The following NRG3 variants were observed in gnomAD, a reference collection of about 807,000 sequenced individuals.
NRG3 encodes the protein neuregulin 3, also known as pro-neuregulin-3, membrane-bound isoform.
Under a neutral mutation model 66.9 loss-of-function variants are expected in NRG3, and 31 were observed. The ratio of observed to expected loss-of-function variants is 0.46; its 90% CI spans 0.35 to 0.63. The LOEUF (loss-of-function observed/expected upper bound fraction) is 0.63, where lower values mean the gene tolerates loss of function less well. Ranked by LOEUF, NRG3 falls within the 20% of genes least tolerant of loss-of-function variation. The probability of loss-of-function intolerance (pLI) is 0.00; values close to 1 mark genes in which losing one functional copy is unlikely to be tolerated. For synonymous variants in NRG3, 393 were observed against 359.4 expected, an observed-to-expected ratio of 1.09 and a Z score of -1.06; for missense variants, 910 against 878.9, an observed-to-expected ratio of 1.04 and a Z score of -0.45.
chr10:82,853,586 A>T (rs1321403473), intron 3 of NRG3, among the ~76,000 whole-genome samples: 1 of 151,422 alleles, frequency 6.6e-6, no homozygotes, highest in Admixed American at 6.6e-5. Context: ...TGAGTTTTTT[A>T]TTTGATTGTC....
rs115653953 is a variant in NRG3 at position 82,642,135 on chromosome 10, A to G, written c.954-96442A>G. On this transcript the variant is annotated intron_variant, in intron 2 of 8. Transcript: ENST00000372141. ...TCTCTGAGCTGTTTCACTTAAGATA[A>G]TGGCCTACAGTTCCATCCATGTTGC... Among the ~76,000 whole-genome samples, 553 of 152,248 alleles carry G rather than the reference A, an allele frequency of 3.6e-3. 5 individuals carry two copies. Among genetic ancestry groups the G allele is most frequent in the African/African-American group, 0.012 (517 of 41,554 alleles).
intron 2 of NRG3, among the ~76,000 whole-genome samples, chr10:82,442,784 A>ATTTTTTTTTTTTTTTTTTTTTTTTTTT (rs61261285): frequency 1.8e-5 from 1 of 54,274 alleles, no homozygotes; most frequent in Non-Finnish European, 3.2e-5. Flanking sequence ...TTCTGTGTGG[A>ATTTTTTTTTTTTTTTTTTTTTTTTTTT]TTTTTTTTTT....
chr10:82,087,560 T>C (rs1280798341), intron 1 of NRG3, among the ~76,000 whole-genome samples: 2 of 152,132 alleles, frequency 1.3e-5, no homozygotes, highest in African/African-American at 4.8e-5. Context: ...GTTTAATTTG[T>C]TGCCCCACTT....
Position 82,985,523 on chromosome 10 carries a change from T to C in NRG3, c.2009T>C (p.Leu670Pro). The C allele has an allele frequency of 6.2e-7, 1 of 1,613,906 alleles. No homozygotes were observed. Reference protein sequence around the residue: ...SASENTAFLPLSPTAKSEREA... With the variant: ...SASENTAFLPPSPTAKSEREA... Reference sequence around the variant, plus strand: ...AGCGAAAACACAGCCTTTCTCCCCCTGAGTCCCACAGCCAAATCAGAACGA... The same window carrying C: ...AGCGAAAACACAGCCTTTCTCCCCCCGAGTCCCACAGCCAAATCAGAACGA... Residue 670 changes from leucine to proline, a missense_variant, in exon 9 of 9, where the codon CTG becomes CCG. Physicochemically the swap from Leu to Pro is moderately conservative, Grantham distance 98. Transcript: ENST00000372141.
intron 2 of NRG3, among the ~76,000 whole-genome samples, chr10:82,403,819 T>A (rs550447523): frequency 4.7e-4 from 72 of 152,258 alleles, no homozygotes; most frequent in African/African-American, 1.7e-3. Context: ...CTATATCTTA[T>A]CAATAATATG....
intron 2 of NRG3, among the ~76,000 whole-genome samples, chr10:82,645,169 A>G (rs762707090): frequency 6.6e-6 from 1 of 152,152 alleles, no homozygotes; most frequent in Admixed American, 6.6e-5. Flanking sequence ...CTGGTATTAT[A>G]TGATACCAGA....
At chr10:82,241,020 A>G (rs569289060) in intron 1 of NRG3, among the ~76,000 whole-genome samples, 1 of 152,302 alleles carries the variant, frequency 6.6e-6, no homozygotes, top group South Asian at 2.1e-4. Flanking sequence ...GGGTACACAC[A>G]TGTTGGAGAT....
At chr10:82,483,220 A>G (rs1433221052) in intron 2 of NRG3, among the ~76,000 whole-genome samples, 1 of 152,208 alleles carries the variant, frequency 6.6e-6, no homozygotes, top group Non-Finnish European at 1.5e-5. Context: ...TTCAAAATTG[A>G]AAGGGACTAA....
At chr10:82,357,689 C>A (rs1339210968) in intron 1 of NRG3, among the ~76,000 whole-genome samples, 1 of 152,170 alleles carries the variant, frequency 6.6e-6, no homozygotes, top group Non-Finnish European at 1.5e-5. Flanking sequence ...TGACCTTATC[C>A]ATTCCTGATT....
At chr10:82,413,814 G>A (rs768828837) in intron 2 of NRG3, among the ~76,000 whole-genome samples, 6 of 151,976 alleles carry the variant, frequency 3.9e-5, no homozygotes, top group East Asian at 1.9e-4. Flanking sequence ...CTTAAACCTC[G>A]TGAAGCAACC....
At chr10:82,741,153 A>G (rs1173186299) in intron 3 of NRG3, among the ~76,000 whole-genome samples, 1 of 152,160 alleles carries the variant, frequency 6.6e-6, no homozygotes, top group African/African-American at 2.4e-5. Flanking sequence ...TCTTGCATTC[A>G]TCCATGCACA....
intron 3 of NRG3, chr10:82,827,232 A>T (rs2062271700): frequency 1.3e-5 from 4 of 312,300 alleles, no homozygotes; most frequent in Non-Finnish European, 2.4e-5. Flanking sequence ...AAAAAAAAAA[A>T]TCATGTAACG....
At chr10:82,865,345 AT>A (rs1840609126) in intron 3 of NRG3, 65 bp from the exon 4 acceptor site, 1 of 1,544,560 alleles carries the variant, frequency 6.5e-7, no homozygotes, top group Non-Finnish European at 8.9e-7. Context: ...ATTTCCATGT[AT>A]AGAGCTTTTT....
intron 6 of NRG3, among the ~76,000 whole-genome samples, chr10:82,961,808 C>A (rs1158636386): frequency 6.6e-6 from 1 of 152,154 alleles, no homozygotes; most frequent in Non-Finnish European, 1.5e-5. Flanking sequence ...AGTTCCATCA[C>A]CAAGCTTCCC....
intron 3 of NRG3, among the ~76,000 whole-genome samples, chr10:82,785,718 T>C (rs2060331748): frequency 6.6e-6 from 1 of 152,070 alleles, no homozygotes; most frequent in Admixed American, 6.6e-5. Flanking sequence ...TGGTTCCTTA[T>C]AGTAAAATGA....
rs942228744 is a variant in NRG3, at chr10:82,675,040, C to T, written c.954-63537C>T. 5.3e-5 allele frequency among the ~76,000 whole-genome samples: 8 copies of T among 151,978 alleles called. No homozygotes were observed. In the South Asian group the frequency reaches 8.3e-4, roughly 16 times the overall value. ...AATGGCGCGCCTCGGCTCACTGCAA[C>T]CTCCGCCTCCTGGGTTCAAGCGATT... is the stretch of plus-strand genomic sequence containing the variant. On this transcript the variant is annotated intron_variant, in intron 2 of 8. Transcript: ENST00000372141.
chr10:82,550,493 C>A (rs938372770), intron 2 of NRG3, among the ~76,000 whole-genome samples: 1 of 152,022 alleles, frequency 6.6e-6, no homozygotes, highest in East Asian at 1.9e-4. Flanking sequence ...AATCCAGTGG[C>A]TTTGCTAGGG....
chr10:82,963,856 A>C (rs889616285), intron 6 of NRG3, among the ~76,000 whole-genome samples: 1 of 151,996 alleles, frequency 6.6e-6, no homozygotes, highest in Non-Finnish European at 1.5e-5. Flanking sequence ...ACAATCCCAC[A>C]CTCTGTCTCT....
intron 1 of NRG3, among the ~76,000 whole-genome samples, chr10:82,024,253 G>A (rs1271856433): frequency 6.6e-6 from 1 of 151,876 alleles, no homozygotes; most frequent in East Asian, 1.9e-4. Flanking sequence ...AATTCGTGTA[G>A]CTAAGGGTTT....
Sources: allele counts gnomAD v4.1 joint callset (sites outside exome capture counted in the v4.1 genomes callset), GRCh38; gene constraint gnomAD v4.1.1; transcripts MANE v1.5; gene names NCBI Gene and HGNC (gene_info 2026-07-23, HGNC 2026-07-21).